The following N4BP2 variants were observed in gnomAD, a reference collection of about 807,000 sequenced individuals.
The protein encoded by N4BP2 is NEDD4-binding protein 2.
N4BP2 carries 91 observed loss-of-function variants against 152.8 expected under a neutral mutation model. The observed-to-expected ratio is 0.60, with a 90% CI of 0.50 to 0.71. The LOEUF is 0.71. Ranked by LOEUF, N4BP2 falls within the 30% of genes least tolerant of loss-of-function variation. N4BP2 has a pLI of 0.00. For missense variants in N4BP2, 1,923 were observed against 2,059.1 expected (o/e 0.93, Z 1.28); for synonymous variants, 646 against 705.3 (o/e 0.92, Z 1.33).
chr4:40,173,132 C>A, the N4BP2 span, among the ~76,000 whole-genome samples: 1 of 152,048 alleles, frequency 6.6e-6, no homozygotes, highest in South Asian at 2.1e-4. Context: ...TAGAGGACAT[C>A]TCTTGCGCAT....
chr4:40,156,163 G>A lies in N4BP2; in HGVS notation c.*1926G>A, dbSNP rs920093410. ...AGGGTATGAAAAACAGTGCTAAAAT[G>A]TGGAGTTAATTGGAATGTGTGCAGC... is the stretch of plus-strand genomic sequence containing the variant. On this transcript the variant is annotated 3_prime_UTR_variant, in exon 18 of 18. Coordinates refer to ENST00000261435, the MANE Select transcript of N4BP2 (RefSeq NM_018177.6). The A allele has an allele frequency of 5.3e-5, 8 of 152,160 alleles. No homozygotes were observed. The highest frequency in any genetic ancestry group is 1.7e-4 in the African/African-American group (7 of 41,450). 9.4% of individuals were successfully genotyped at this position (152,160 alleles called of 1,614,324 possible). A position where few individuals can be genotyped will look rare whatever the true frequency, so the allele number is the denominator to read the frequency against.
At chr4:40,167,295 G>A in the N4BP2 span, 1 of 152,180 alleles carries the variant, frequency 6.6e-6, no homozygotes, top group Non-Finnish European at 1.5e-5. Context: ...TAAATTTCCT[G>A]AGCTGAATAA....
chr4:40,145,921 G>A (rs147925491), intron 16 of N4BP2, among the ~76,000 whole-genome samples: 2,454 of 152,138 alleles, frequency 0.016, 69 homozygotes, highest in African/African-American at 0.057. Flanking sequence ...CCAGCACTTC[G>A]GAGGCCGAGG....
chr4:40,081,044 A>T (rs1713315892), intron 2 of N4BP2, among the ~76,000 whole-genome samples: 1 of 151,630 alleles, frequency 6.6e-6, no homozygotes, highest in South Asian at 2.1e-4. Context: ...ATACAAATAG[A>T]CACAGTGAAA....
the N4BP2 span, among the ~76,000 whole-genome samples, chr4:40,178,096 G>C: frequency 6.6e-6 from 1 of 151,506 alleles, no homozygotes; most frequent in African/African-American, 2.4e-5. Flanking sequence ...GGAGGCGGAG[G>C]TTGCAGTGAG....
At chr4:40,061,049 A>G (rs1315759002) in intron 1 of N4BP2, among the ~76,000 whole-genome samples, 1 of 151,770 alleles carries the variant, frequency 6.6e-6, no homozygotes, top group African/African-American at 2.4e-5. Context: ...TTCTGGGCTC[A>G]AGCAATCCTC....
chr4:40,123,133 TA>T lies in N4BP2; in HGVS notation c.4207del (p.Thr1403GlnfsTer9). The T allele has an allele frequency of 6.2e-7, 1 of 1,603,592 alleles. No homozygotes were observed. Among genetic ancestry groups the T allele is most frequent in the Non-Finnish European group, 8.5e-7 (1 of 1,172,792 alleles). The part of the protein sequence containing the change: ...FGPVGIDSGS[L>X]TVEDCVVHID... ...CTCCCCCTTCCCCCACAAGGGTCTC[TA>T]ACAGTTGAAGATTGTGTGGTTCATA... is the stretch of plus-strand genomic sequence containing the variant. On this transcript the variant is annotated frameshift_variant, in exon 10 of 18. Coordinates refer to ENST00000261435, the MANE Select transcript of N4BP2 (RefSeq NM_018177.6). LOFTEE classifies it high-confidence loss of function.
rs749756991 is a variant in N4BP2, at chr4:40,137,097, AT to A, written c.4785+23del. 2.6e-4 allele frequency: 411 copies of A among 1,587,470 alleles called. No homozygotes were observed. Among genetic ancestry groups the A allele is most frequent in the Non-Finnish European group, 3.4e-4 (396 of 1,166,782 alleles). On this transcript the variant is annotated intron_variant, in intron 14 of 17. Transcript: ENST00000261435. Reference sequence around the variant, plus strand: ...AAGAGAAAAAGGTATGGAGTTACTAATTTTTTTTCTACAAGGGTAGATAATT... The same window carrying A: ...AAGAGAAAAAGGTATGGAGTTACTAATTTTTTTCTACAAGGGTAGATAATT...
At chr4:40,152,563 A>T (rs1721236116) in intron 16 of N4BP2, among the ~76,000 whole-genome samples, 1 of 152,204 alleles carries the variant, frequency 6.6e-6, no homozygotes, top group African/African-American at 2.4e-5. Flanking sequence ...TGATGGATAG[A>T]TTACAATGAG....
intron 16 of N4BP2, among the ~76,000 whole-genome samples, chr4:40,145,458 A>G (rs1639741103): frequency 6.6e-6 from 1 of 152,170 alleles, no homozygotes; most frequent in Non-Finnish European, 1.5e-5. Flanking sequence ...TCCTGGCCTC[A>G]AGCAATCCAC....
the N4BP2 span, among the ~76,000 whole-genome samples, chr4:40,178,146 C>T: frequency 6.6e-6 from 1 of 151,460 alleles, no homozygotes; most frequent in East Asian, 1.9e-4. Flanking sequence ...GGTGACAGAG[C>T]GAGACTGGGT....
the N4BP2 span, chr4:40,166,752 G>A: frequency 3.9e-5 from 6 of 152,054 alleles, no homozygotes; most frequent in African/African-American, 1.4e-4. Flanking sequence ...AAATTTTGTG[G>A]GTACATTGTA....
chr4:40,172,508 A>G, the N4BP2 span, among the ~76,000 whole-genome samples: 15 of 152,134 alleles, frequency 9.9e-5, no homozygotes, highest in African/African-American at 3.4e-4. Flanking sequence ...AAAAAGGAGG[A>G]ATTTGGACAC....
At chr4:40,139,143 T>G (rs1032934644) in intron 14 of N4BP2, among the ~76,000 whole-genome samples, 1 of 152,256 alleles carries the variant, frequency 6.6e-6, no homozygotes, top group Non-Finnish European at 1.5e-5. Context: ...AGTTTATTTC[T>G]AAATACAGTA....
At chr4:40,135,521 C>T (rs558653304) in intron 13 of N4BP2, among the ~76,000 whole-genome samples, 262 of 152,274 alleles carry the variant, frequency 1.7e-3, no homozygotes, top group African/African-American at 5.9e-3. Flanking sequence ...GAGGAATCGC[C>T]ACACTGACTT....
At chr4:40,167,277 A>C in the N4BP2 span, 3 of 152,220 alleles carry the variant, frequency 2.0e-5, no homozygotes, top group South Asian at 2.1e-4. Flanking sequence ...AGCCAGATTT[A>C]ATAGAAGTAA....
Position 40,147,101 on chromosome 4 carries a change from T to G in N4BP2, c.5143+2301T>G, listed in dbSNP as rs865901514. 2.4e-3 allele frequency among the ~76,000 whole-genome samples: 364 copies of G among 149,324 alleles called. 1 individual carries two copies. Among genetic ancestry groups the G allele is most frequent in the African/African-American group, 8.1e-3 (328 of 40,480 alleles). ...GTCCCTGGGTACTTGAGATTAGGGA[T>G]TGGTGATGACTCTTAACGAGCATGC... On this transcript the variant is annotated intron_variant, in intron 16 of 17. Coordinates refer to ENST00000261435, the MANE Select transcript of N4BP2 (RefSeq NM_018177.6).
At chr4:40,061,961 G>A (rs927787662) in intron 1 of N4BP2, among the ~76,000 whole-genome samples, 3 of 152,032 alleles carry the variant, frequency 2.0e-5, no homozygotes, top group Non-Finnish European at 4.4e-5. Flanking sequence ...CACCATGCCT[G>A]GCCATTAGTG....
At chr4:40,094,280 T>C (rs1009338933) in intron 2 of N4BP2, among the ~76,000 whole-genome samples, 1 of 152,170 alleles carries the variant, frequency 6.6e-6, no homozygotes, top group Admixed American at 6.6e-5. Flanking sequence ...TCTTGGTATG[T>C]GTTCTGTTAA....
Sources: allele counts gnomAD v4.1 joint callset (sites outside exome capture counted in the v4.1 genomes callset), GRCh38; gene constraint gnomAD v4.1.1; transcripts MANE v1.5; gene names NCBI Gene and HGNC (gene_info 2026-07-23, HGNC 2026-07-21).